ENO4: variants seen among roughly 807,000 people sequenced by gnomAD.
ENO4 encodes enolase 4.
ENO4 carries 53 observed loss-of-function variants against 63.2 expected under a neutral mutation model. The observed-to-expected ratio is 0.84, with a 90% confidence interval of 0.67 to 1.05. The LOEUF is 1.05. Among genes scored for constraint, ENO4 ranks in the 50% least tolerant of loss-of-function variants. The pLI is 0.00. For synonymous variants in ENO4, 266 were observed against 283.8 expected (o/e 0.94, Z 0.63); for missense variants, 719 against 772.0 (o/e 0.93, Z 0.81).
chr10:116,894,737 TAGG>T (rs1430935080), intron 10 of ENO4, among the ~76,000 whole-genome samples: 5 of 152,202 alleles, frequency 3.3e-5, no homozygotes, highest in Admixed American at 6.5e-5. Flanking sequence ...TTGCAACTGT[TAGG>T]AGGATATTCA....
chr10:116,912,367 G>A (rs560248098), downstream of ENO4, among the ~76,000 whole-genome samples: 3 of 152,334 alleles, frequency 2.0e-5, no homozygotes, highest in Admixed American at 6.5e-5. Context: ...GGACAGAGTC[G>A]AGAGAGCAGG....
At chr10:116,884,416 A>T (rs1847106947), downstream of ENO4, 1 of 367,518 alleles carries the variant, frequency 2.7e-6, no homozygotes, top group Non-Finnish European at 5.5e-6. Context: ...TAAGCAGCTT[A>T]AAAAAGGCAG....
intron 4 of ENO4, among the ~76,000 whole-genome samples, chr10:116,860,384 A>G (rs1438380856): frequency 6.6e-6 from 1 of 152,244 alleles, no homozygotes; most frequent in Non-Finnish European, 1.5e-5. Flanking sequence ...AGAGATGTTC[A>G]GCAGAAAGTT....
Position 116,876,116 on chromosome 10 carries a change from A to G in ENO4, c.1393A>G (p.Ile465Val), listed in dbSNP as rs768278956. The G allele has an allele frequency of 1.2e-5, 19 of 1,550,722 alleles. No individual in the cohort carries two copies. Among genetic ancestry groups the G allele is most frequent in the African/African-American group, 4.1e-5 (3 of 73,046 alleles). Residue 465 changes from isoleucine (I) to valine (V), a missense_variant, in exon 11 of 14, where the codon ATA becomes GTA. By Grantham distance (29) the Ile-to-Val change is conservative (BLOSUM62 3). This residue lies in a region of ENO4 where 544 missense variants were observed against 583.6 expected (regional missense o/e 0.93). Transcript: ENST00000341276. ...IYHALGSRCY[I>V]IAGTASKSIS... ...TCACGCACTTGGTTCCAGGTGTTAC[A>G]TAATTGCAGGAACTGCTTCCAAAAG... is the stretch of plus-strand genomic sequence containing the variant.
chr10:116,890,805 A>T (rs1847320298), intron 10 of ENO4, among the ~76,000 whole-genome samples: 1 of 152,240 alleles, frequency 6.6e-6, no homozygotes. Context: ...GTACCAGAAG[A>T]ATCAGAACAA....
chr10:116,868,247 A>G (rs1846596316), intron 7 of ENO4, among the ~76,000 whole-genome samples: 1 of 152,236 alleles, frequency 6.6e-6, no homozygotes, highest in Non-Finnish European at 1.5e-5. Context: ...CAAATCCCGC[A>G]GTGGGGTTAA....
intron 10 of ENO4, chr10:116,901,722 A>G (rs1232794480): frequency 2.7e-6 from 4 of 1,474,534 alleles, no homozygotes; most frequent in Non-Finnish European, 3.6e-6. Flanking sequence ...TAGTCATTAC[A>G]GATTCTTCTA....
chr10:116,868,503 G>A (rs567791424), intron 7 of ENO4, 147 bp from the exon 8 acceptor site: 3 of 728,124 alleles, frequency 4.1e-6, no homozygotes, highest in East Asian at 2.7e-5. Flanking sequence ...TCATCCCTAT[G>A]TGCATGAGTG....
At chr10:116,882,963 G>C (rs901110059), downstream of ENO4, 3 of 142,282 alleles carry the variant, frequency 2.1e-5, no homozygotes, top group African/African-American at 5.8e-5. Flanking sequence ...CATACCCTTT[G>C]AAAAATACAC....
chr10:116,865,581 G>T (rs1003091751), intron 7 of ENO4, among the ~76,000 whole-genome samples: 1 of 152,146 alleles, frequency 6.6e-6, no homozygotes, highest in East Asian at 1.9e-4. Context: ...ATTTTTTGAT[G>T]AAGTGAAATG....
downstream of ENO4, chr10:116,884,599 G>GT (rs1275824279): frequency 2.5e-5 from 5 of 196,140 alleles, no homozygotes; most frequent in African/African-American, 1.2e-4. Flanking sequence ...CTAAATGTGT[G>GT]TGAGTTGCAT....
At position 116,899,546 on chromosome 10, in the gene ENO4, T is replaced by TGTGTGTGTGA. The variant is rs1311755308; in HGVS notation, c.1195-11952_1195-11951insTGTGTGTGAG. On this transcript the variant is annotated intron_variant, in intron 10 of 10. Transcript: ENST00000369207. ...GTGTGTGTGTGTGTGTGTGTGTGTG[T>TGTGTGTGTGA]GAGAGAGTGCATGCATACATATGTT... Among the ~76,000 whole-genome samples, 823 of 123,822 alleles carry TGTGTGTGTGA rather than the reference T, an allele frequency of 6.6e-3. 8 individuals carry two copies. The highest frequency in any genetic ancestry group is 0.023 in the African/African-American group (779 of 34,384). The allele number at this position is 123,822 out of a possible 152,430, so 81.2% of individuals were successfully genotyped here. A position where few individuals can be genotyped will look rare whatever the true frequency, so the allele number is the denominator to read the frequency against.
intron 7 of ENO4, among the ~76,000 whole-genome samples, chr10:116,864,125 C>G (rs1032741883): frequency 1.3e-5 from 2 of 152,196 alleles, no homozygotes; most frequent in African/African-American, 4.8e-5. Context: ...TCTGTCAGAG[C>G]AGGTGAAGGA....
At position 116,881,596 on chromosome 10, in the gene ENO4, G is replaced by C; in HGVS notation, c.1805G>C (p.Arg602Thr). 1 of 1,550,384 alleles carries C rather than the reference G, an allele frequency of 6.5e-7. No homozygotes were observed. Among genetic ancestry groups the C allele is most frequent in the Non-Finnish European group, 8.7e-7 (1 of 1,146,878 alleles). The part of the protein sequence containing the change: ...AAEALEAAAA[R>T]EPLVPTFPTQ... Reference sequence around the variant, plus strand: ...GAGGCACTTGAGGCTGCTGCGGCTAGGGAGCCGCTGGTGCCCACCTTCCCC... The same window carrying C: ...GAGGCACTTGAGGCTGCTGCGGCTACGGAGCCGCTGGTGCCCACCTTCCCC... Residue 602 changes from arginine (R) to threonine (T), a missense_variant, in exon 14 of 14, where the codon AGG (arginine) becomes ACG (threonine). Transcript: ENST00000341276.
Position 116,862,817 on chromosome 10 carries a change from G to A in ENO4, c.955G>A (p.Glu319Lys). ...TTKQGVEMLM[E>K]MQKHINKIIE... ...CTTACAGGGTGTCGAGATGCTTATGGAAATGCAGAAACATATCAACAAAAT... is the reference window on the plus strand; with the variant it reads ...CTTACAGGGTGTCGAGATGCTTATGAAAATGCAGAAACATATCAACAAAAT... Residue 319 changes from glutamate (E) to lysine (K), a missense_variant, in exon 7 of 14, where the codon GAA (glutamate) becomes AAA (lysine). Coordinates refer to ENST00000341276, the MANE Select transcript of ENO4 (RefSeq NM_001242699.2). 1.3e-6 allele frequency: 2 copies of A among 1,549,762 alleles called. No homozygotes were observed. Among genetic ancestry groups the A allele is most frequent in the Non-Finnish European group, 1.7e-6 (2 of 1,146,318 alleles).
At position 116,881,774 on chromosome 10, in the gene ENO4, C is replaced by A; in HGVS notation, c.*105C>A. 1 of 844,550 alleles carries A rather than the reference C, an allele frequency of 1.2e-6. No homozygotes were observed. The highest frequency in any genetic ancestry group is 1.6e-6 in the Non-Finnish European group (1 of 606,464). The allele number at this position is 844,550 out of a possible 1,614,324, so 52.3% of individuals were successfully genotyped here. A position where few individuals can be genotyped will look rare whatever the true frequency, so the allele number is the denominator to read the frequency against. ...CATGGAGTTTCCTCTTCAACTTCAC[C>A]AACTCTTGTGGTTTTTATTCTTCTA... is the stretch of plus-strand genomic sequence containing the variant. On this transcript the variant is annotated 3_prime_UTR_variant, in exon 14 of 14. Transcript: ENST00000341276.
At chr10:116,876,355 A>C in intron 11 of ENO4, 95 bp downstream of exon 11, 2 of 1,031,480 alleles carry the variant, frequency 1.9e-6, no homozygotes, top group Non-Finnish European at 2.7e-6. Context: ...AAAGCATGGG[A>C]GAAATCTTGG....
chr10:116,893,019 T>C (rs1339598748), intron 10 of ENO4, among the ~76,000 whole-genome samples: 2 of 152,260 alleles, frequency 1.3e-5, no homozygotes, highest in South Asian at 4.1e-4. Context: ...ATTAATTCTC[T>C]GAGAGAATTG....
At chr10:116,854,509 G>C (rs1846193742) in intron 1 of ENO4, among the ~76,000 whole-genome samples, 1 of 149,840 alleles carries the variant, frequency 6.7e-6, no homozygotes, top group Non-Finnish European at 1.5e-5. Context: ...GCGGTGAGCA[G>C]AGATCATGCC....
Sources: gnomAD v4.1 joint callset for allele counts (sites outside exome capture counted in the v4.1 genomes callset) on GRCh38, gnomAD v4.1.1 for gene constraint, gnomAD v4.1.1 regional missense constraint, MANE v1.5 for transcripts, NCBI Gene and HGNC (gene_info 2026-07-23, HGNC 2026-07-21) for gene names.